Variants in ABCE1 observed in about 807,000 individuals in gnomAD.
ABCE1 encodes the protein ATP binding cassette subfamily E member 1, also known as ATP-binding cassette sub-family E member 1.
A neutral mutation model predicts 83.4 loss-of-function variants in ABCE1; 22 were observed. The ratio of observed to expected loss-of-function variants is 0.26; its 90% CI spans 0.19 to 0.38. The LOEUF (loss-of-function observed/expected upper bound fraction) is 0.38. Among genes scored for constraint, ABCE1 ranks in the 10% least tolerant of loss-of-function variants. The pLI is 1.00. For synonymous variants in ABCE1, 204 were observed against 233.7 expected, an observed-to-expected ratio of 0.87 and a Z score of 1.16; for missense variants, 330 against 721.9, an observed-to-expected ratio of 0.46 and a Z score of 6.22.
intron 9 of ABCE1, among the ~76,000 whole-genome samples, chr4:145,116,925 G>A (rs1260041156): frequency 6.6e-6 from 1 of 151,872 alleles, no homozygotes; most frequent in African/African-American, 2.4e-5. Flanking sequence ...ACTACAGCTA[G>A]CATGGGACAG....
In ABCE1 at chr4:145,123,605, A is replaced by G. The variant is rs753609017; in HGVS notation, c.1640+5A>G. 2.3e-5 allele frequency: 36 copies of G among 1,591,964 alleles called. No homozygotes were observed. The African/African-American group carries it at 2.4e-4, about 11-fold the overall frequency. On this transcript the variant is annotated splice_donor_5th_base_variant and intron_variant, in intron 16 of 17. Transcript: ENST00000296577. The stretch of plus-strand genomic sequence containing the variant: ...TAAGAACACAGTTGCAAACAGGTAA[A>G]ATTACTTTTTAATATGTTCAAAGTA...
At chr4:145,105,539 A>G (rs970070369) in intron 2 of ABCE1, 66 bp from the exon 3 acceptor site, 1 of 1,186,630 alleles carries the variant, frequency 8.4e-7, no homozygotes, top group Non-Finnish European at 1.2e-6. Flanking sequence ...GCATTGCCTA[A>G]ATAACAGTGT....
Position 145,127,683 on chromosome 4 carries a change from G to C in ABCE1, c.*110G>C. The C allele has an allele frequency of 1.3e-6, 1 of 788,812 alleles. No homozygotes were observed. Among genetic ancestry groups the C allele is most frequent in the Non-Finnish European group, 1.9e-6 (1 of 519,130 alleles). 48.9% of individuals were successfully genotyped at this position (788,812 alleles called of 1,614,324 possible). On this transcript the variant is annotated 3_prime_UTR_variant, in exon 18 of 18. Transcript: ENST00000296577. ...TTATGCCCCACATACTCTGGAACTT[G>C]AAGTATAATATACTTAATATAACAT...
At chr4:145,099,879 A>G (rs1338096108) in intron 1 of ABCE1, among the ~76,000 whole-genome samples, 1 of 152,144 alleles carries the variant, frequency 6.6e-6, no homozygotes, top group Non-Finnish European at 1.5e-5. Context: ...ACTGAGGGTC[A>G]TTGTTCTAGT....
rs1324910614 is a variant in ABCE1, at chr4:145,117,393, A to G, written c.901A>G (p.Met301Val). 1 of 1,610,786 alleles carries G rather than the reference A, an allele frequency of 6.2e-7. No individual in the cohort carries two copies. Among genetic ancestry groups the G allele is most frequent in the Non-Finnish European group, 8.5e-7 (1 of 1,178,044 alleles). The change falls in exon 10 of 18, where the codon ATG becomes GTG. Residue 301 changes from methionine (M) to valine (V), a missense_variant. Coordinates refer to ENST00000296577, the MANE Select transcript of ABCE1 (RefSeq NM_002940.3). ...GVPSAYGVVT[M>V]PFSVREGINI... The stretch of plus-strand genomic sequence containing the variant: ...ACCAAGCGCCTATGGAGTTGTCACT[A>G]TGCCTTTTAGTGTAAGAGAAGGTAA...
At chr4:145,123,421 A>G in intron 15 of ABCE1, 57 bp from the exon 16 acceptor site, 2 of 1,588,876 alleles carry the variant, frequency 1.3e-6, no homozygotes, top group South Asian at 1.1e-5. Context: ...TGCTTAATAT[A>G]ACAGTCGAAT....
At chr4:145,119,839 A>T (rs1009280608) in intron 10 of ABCE1, 93 bp from the exon 11 acceptor site, 2 of 850,510 alleles carry the variant, frequency 2.4e-6, no homozygotes, top group Admixed American at 3.2e-5. Context: ...AATCCACAGA[A>T]ATTTAAAGTA....
intron 17 of ABCE1, among the ~76,000 whole-genome samples, chr4:145,126,661 C>T (rs565109429): frequency 6.6e-6 from 1 of 152,264 alleles, no homozygotes; most frequent in East Asian, 1.9e-4. Context: ...TATCCATCAT[C>T]CTTAATGCTT....
intron 9 of ABCE1, among the ~76,000 whole-genome samples, chr4:145,112,859 T>A (rs980344183): frequency 1.3e-5 from 2 of 152,222 alleles, no homozygotes; most frequent in African/African-American, 4.8e-5. Flanking sequence ...TTAGATGGTA[T>A]TCCTATTTTG....
At chr4:145,127,114 G>T (rs966107261) in intron 17 of ABCE1, among the ~76,000 whole-genome samples, 10 of 152,054 alleles carry the variant, frequency 6.6e-5, no homozygotes, top group African/African-American at 2.4e-4. Flanking sequence ...TTACTGGCCA[G>T]TATTGGAAAA....
At chr4:145,110,506 G>C in intron 7 of ABCE1, 62 bp downstream of exon 7, 1 of 1,520,900 alleles carries the variant, frequency 6.6e-7, no homozygotes, top group Non-Finnish European at 9.1e-7. Context: ...ACGGAGTTTC[G>C]CTCTTGTTGC....
intron 13 of ABCE1, chr4:145,122,577 G>A (rs1312388410): frequency 6.5e-6 from 1 of 152,946 alleles, no homozygotes; most frequent in African/African-American, 2.4e-5. Flanking sequence ...CAGCACTTTG[G>A]GAGGCTGAGG....
intron 1 of ABCE1, among the ~76,000 whole-genome samples, chr4:145,103,477 G>A (rs1560956291): frequency 6.6e-6 from 1 of 152,146 alleles, no homozygotes. Flanking sequence ...TGATCTTAAT[G>A]CTGTGTAGTT....
rs1348135058 is a variant in ABCE1 at position 145,117,432 on chromosome 4, T to C, written c.922+18T>C. The C allele has an allele frequency of 3.9e-5, 62 of 1,608,024 alleles. No homozygotes were observed. Among genetic ancestry groups the C allele is most frequent in the Non-Finnish European group, 5.0e-5 (59 of 1,176,564 alleles). On this transcript the variant is annotated intron_variant, in intron 10 of 17. Transcript: ENST00000296577. Reference sequence around the variant, plus strand: ...AAGAGAAGGTAACTTGAAAAACTTTTTTCACATATGCTGTATTCTCTTCTA... The same window carrying C: ...AAGAGAAGGTAACTTGAAAAACTTTCTTCACATATGCTGTATTCTCTTCTA...
At chr4:145,107,405 A>G (rs975460101) in intron 3 of ABCE1, among the ~76,000 whole-genome samples, 2 of 152,152 alleles carry the variant, frequency 1.3e-5, no homozygotes, top group African/African-American at 4.8e-5. Flanking sequence ...TCTGTTTTGG[A>G]AAGAATATAA....
intron 17 of ABCE1, among the ~76,000 whole-genome samples, chr4:145,125,875 A>G (rs1229728270): frequency 6.6e-6 from 1 of 152,122 alleles, no homozygotes; most frequent in Admixed American, 6.6e-5. Context: ...ACCCATCTCT[A>G]CTAAAAATAC....
intron 1 of ABCE1, among the ~76,000 whole-genome samples, chr4:145,101,652 C>G (rs1042592817): frequency 1.3e-5 from 2 of 152,188 alleles, no homozygotes; most frequent in African/African-American, 4.8e-5. Context: ...ACACCAAACT[C>G]ATGAGATCAG....
In ABCE1 at chr4:145,123,579, C is replaced by T; in HGVS notation, c.1619C>T (p.Ser540Phe). The change falls in exon 16 of 18, where the codon TCT (serine) becomes TTT (phenylalanine). Residue 540 changes from serine (S) to phenylalanine (F), a missense_variant. Transcript: ENST00000296577. ...DRVIVFDGVP[S>F]KNTVANSPQT... is the part of the protein sequence containing the mutation. ...GTCATCGTTTTTGATGGTGTTCCAT[C>T]TAAGAACACAGTTGCAAACAGGTAA... 1 of 1,601,152 alleles carries T rather than the reference C, an allele frequency of 6.2e-7. No individual in the cohort carries two copies. The highest frequency in any genetic ancestry group is 8.6e-7 in the Non-Finnish European group (1 of 1,169,254).
At chr4:145,123,965 A>G (rs1411356207) in intron 16 of ABCE1, 2 of 161,930 alleles carry the variant, frequency 1.2e-5, no homozygotes, top group South Asian at 1.7e-4. Context: ...AGGTTACATG[A>G]TTTGTCCAAC....
Sources: gnomAD v4.1 joint callset for allele counts (sites outside exome capture counted in the v4.1 genomes callset) on GRCh38, gnomAD v4.1.1 for gene constraint, MANE v1.5 for transcripts, NCBI Gene and HGNC (gene_info 2026-07-23, HGNC 2026-07-21) for gene names.